The following RPAP3 variants were observed in gnomAD, a reference collection of about 807,000 sequenced individuals.
RPAP3 encodes RNA polymerase II associated protein 3.
A neutral mutation model predicts 88.8 loss-of-function variants in RPAP3; 58 were observed. The observed-to-expected ratio is 0.65, with a 90% confidence interval of 0.53 to 0.81. RPAP3 has a LOEUF of 0.81. RPAP3 is among the 40% of genes least tolerant of loss of function. RPAP3 has a pLI of 0.00. For missense variants in RPAP3, 751 were observed against 764.3 expected (o/e 0.98, Z 0.20); for synonymous variants, 255 against 259.9 (o/e 0.98, Z 0.18).
chr12:47,665,004 C>A (rs1938840585), intron 16 of RPAP3, among the ~76,000 whole-genome samples: 1 of 151,874 alleles, frequency 6.6e-6, no homozygotes, highest in Non-Finnish European at 1.5e-5. Context: ...AATGAAGAAG[C>A]ACACAAGTGA....
chr12:47,688,967 C>T (rs1031863711), intron 7 of RPAP3, among the ~76,000 whole-genome samples, 158 bp downstream of exon 7: 12 of 152,180 alleles, frequency 7.9e-5, no homozygotes, highest in African/African-American at 2.7e-4. Context: ...ATTACACTCC[C>T]TCTAGCATGC....
At chr12:47,685,077 C>T (rs1037500537) in intron 9 of RPAP3, among the ~76,000 whole-genome samples, 4 of 152,094 alleles carry the variant, frequency 2.6e-5, no homozygotes, top group Admixed American at 1.3e-4. Flanking sequence ...ACTTTGTCAC[C>T]AATAAAAATC....
intron 14 of RPAP3, 84 bp from the exon 15 acceptor site, chr12:47,667,935 G>GTTATTCTTTACTATTTT: frequency 1.1e-6 from 1 of 909,492 alleles, no homozygotes; most frequent in Non-Finnish European, 1.7e-6. Context: ...GGTAAAAATA[G>GTTATTCTTTACTATTTT]TAAAGAATAA....
intron 16 of RPAP3, chr12:47,664,546 T>C (rs1375081797): frequency 3.9e-5 from 6 of 152,194 alleles, no homozygotes; most frequent in Admixed American, 2.6e-4. Context: ...TTAATGATAA[T>C]GGCAATAATA....
At position 47,677,378 on chromosome 12, in the gene RPAP3, G is replaced by C. The variant is rs567952092; in HGVS notation, c.1287+2115C>G. Among the ~76,000 whole-genome samples the C allele has an allele frequency of 2.7e-4, 41 of 152,214 alleles. 1 individual carries two copies. Among genetic ancestry groups the C allele is most frequent in the African/African-American group, 9.6e-4 (40 of 41,538 alleles). ...CACCACTCCTATTCAACACAATGTC[G>C]GAAGTTCTGGCCAGGGCAATCAGGC... On this transcript the variant is annotated intron_variant, in intron 12 of 16. Transcript: ENST00000005386.
intron 5 of RPAP3, among the ~76,000 whole-genome samples, chr12:47,694,957 T>C (rs907329838): frequency 2.0e-5 from 3 of 152,178 alleles, no homozygotes; most frequent in African/African-American, 4.8e-5. Flanking sequence ...GTAACAACTG[T>C]GTAACAACAA....
At chr12:47,695,128 G>A (rs1237848288) in intron 5 of RPAP3, among the ~76,000 whole-genome samples, 2 of 152,074 alleles carry the variant, frequency 1.3e-5, no homozygotes, top group African/African-American at 4.8e-5. Flanking sequence ...GGAAGAAAGA[G>A]TGGGAGGGAG....
chr12:47,682,402 C>A (rs999463443), intron 9 of RPAP3, among the ~76,000 whole-genome samples: 2 of 152,046 alleles, frequency 1.3e-5, no homozygotes, highest in African/African-American at 4.8e-5. Context: ...ACCAAAAAAA[C>A]CCAATAACAA....
intron 13 of RPAP3, among the ~76,000 whole-genome samples, chr12:47,669,680 C>A (rs1938956112): frequency 6.6e-6 from 1 of 151,968 alleles, no homozygotes; most frequent in Non-Finnish European, 1.5e-5. Flanking sequence ...CAAGAAAAAA[C>A]ACATAAACTA....
chr12:47,665,091 AT>A (rs75507042), intron 16 of RPAP3, among the ~76,000 whole-genome samples: 41,740 of 140,036 alleles, frequency 0.3, 6,560 homozygotes, highest in Middle Eastern at 0.4. Flanking sequence ...CAGTTTGGTA[AT>A]TTTTTTTTTT....
chr12:47,673,419 G>A (rs934335257), intron 12 of RPAP3, among the ~76,000 whole-genome samples: 1 of 146,950 alleles, frequency 6.8e-6, no homozygotes, highest in African/African-American at 2.5e-5. Flanking sequence ...CTCCAGCCTG[G>A]GGGACAAAGA....
At chr12:47,668,044 A>C (rs1938918403) in intron 14 of RPAP3, among the ~76,000 whole-genome samples, 193 bp from the exon 15 acceptor site, 1 of 152,082 alleles carries the variant, frequency 6.6e-6, no homozygotes, top group Non-Finnish European at 1.5e-5. Context: ...AAAATACAAA[A>C]AATTAGCCGG....
intron 10 of RPAP3, among the ~76,000 whole-genome samples, chr12:47,681,100 C>A (rs1372792331): frequency 3.2e-5 from 4 of 126,202 alleles, no homozygotes; most frequent in Non-Finnish European, 7.4e-5. Flanking sequence ...CAAATTTGCA[C>A]CTGCAATCCC....
intron 9 of RPAP3, among the ~76,000 whole-genome samples, chr12:47,686,354 A>C (rs2094277277): frequency 2.0e-5 from 3 of 152,322 alleles, no homozygotes; most frequent in Admixed American, 1.3e-4. Context: ...ACTTTGCCCA[A>C]GGGGCTCTGA....
At chr12:47,702,630 A>G (rs1271628884) in intron 2 of RPAP3, 58 bp downstream of exon 2, 2 of 1,327,804 alleles carry the variant, frequency 1.5e-6, no homozygotes, top group African/African-American at 3.0e-5. Flanking sequence ...TTTAAAAGTT[A>G]TGCTTTATTT....
intron 3 of RPAP3, among the ~76,000 whole-genome samples, 160 bp from the exon 4 acceptor site, chr12:47,697,879 T>C (rs926417059): frequency 9.2e-5 from 14 of 152,174 alleles, no homozygotes; most frequent in African/African-American, 3.4e-4. Context: ...GTTAAGATTA[T>C]ATCCAGAGAA....
At chr12:47,681,428 G>A (rs1939219791) in intron 10 of RPAP3, among the ~76,000 whole-genome samples, 2 of 152,108 alleles carry the variant, frequency 1.3e-5, no homozygotes, top group African/African-American at 4.8e-5. Context: ...CCATTCTCAT[G>A]TATAATTAAA....
At position 47,677,472 on chromosome 12, in the gene RPAP3, T is replaced by C. The variant is rs142465776; in HGVS notation, c.1287+2021A>G. On this transcript the variant is annotated intron_variant, in intron 12 of 16. Coordinates refer to ENST00000005386, the MANE Select transcript of RPAP3 (RefSeq NM_024604.3). ...CAAATTGTTGTGTTTGCAGATGACA[T>C]GATTGTATATTTAGAAAACCCCATC... is the stretch of plus-strand genomic sequence containing the variant. 3.9e-4 allele frequency among the ~76,000 whole-genome samples: 60 copies of C among 152,206 alleles called. 2 individuals are homozygous for C. Among genetic ancestry groups the C allele is most frequent in the African/African-American group, 1.2e-3 (49 of 41,540 alleles).
intron 1 of RPAP3, among the ~76,000 whole-genome samples, chr12:47,704,429 C>T (rs12369713): frequency 2.1e-4 from 32 of 152,034 alleles, no homozygotes; most frequent in African/African-American, 2.9e-4. Flanking sequence ...AGTGCAGTGG[C>T]GCAAACTCAG....
Sources: allele counts gnomAD v4.1 joint callset (sites outside exome capture counted in the v4.1 genomes callset), GRCh38; gene constraint gnomAD v4.1.1; transcripts MANE v1.5; gene names NCBI Gene and HGNC (gene_info 2026-07-23, HGNC 2026-07-21).